The following CACNA2D3 variants were observed in gnomAD, a reference collection of about 807,000 sequenced individuals.
CACNA2D3 encodes calcium voltage-gated channel auxiliary subunit alpha2delta 3.
In CACNA2D3, 60 loss-of-function variants were observed where a neutral mutation model predicts 160.6. That is an observed-to-expected ratio of 0.37 (90% confidence interval 0.30 to 0.46). The LOEUF (loss-of-function observed/expected upper bound fraction) is 0.46. CACNA2D3 is among the 20% of genes least tolerant of loss of function. The probability of loss-of-function intolerance (pLI) is 1.00; values close to 1 mark genes in which losing one functional copy is unlikely to be tolerated. For synonymous variants in CACNA2D3, 558 were observed against 492.9 expected, an observed-to-expected ratio of 1.13 and a Z score of -1.75; for missense variants, 1,205 against 1,365.0, an observed-to-expected ratio of 0.88 and a Z score of 1.85.
chr3:54,456,866 G>A (rs1700406901), intron 4 of CACNA2D3, among the ~76,000 whole-genome samples: 1 of 151,620 alleles, frequency 6.6e-6, no homozygotes, highest in Non-Finnish European at 1.5e-5. Context: ...ATTTCCTCTG[G>A]GTTTTCCAGT....
chr3:54,647,270 G>A (rs1289488607), intron 11 of CACNA2D3, among the ~76,000 whole-genome samples: 1 of 152,200 alleles, frequency 6.6e-6, no homozygotes, highest in Admixed American at 6.5e-5. Flanking sequence ...ATGATCATTT[G>A]TTATGTAGCA....
intron 2 of CACNA2D3, among the ~76,000 whole-genome samples, chr3:54,229,244 T>G (rs372680855): frequency 6.6e-6 from 1 of 152,216 alleles, no homozygotes; most frequent in African/African-American, 2.4e-5. Context: ...CAGGCTGGAA[T>G]GCAGTGGCGC....
intron 10 of CACNA2D3, among the ~76,000 whole-genome samples, chr3:54,641,014 C>T (rs528542799): frequency 1.3e-5 from 2 of 151,446 alleles, no homozygotes; most frequent in Non-Finnish European, 1.5e-5. Context: ...TTTTGAAATC[C>T]CCCTGTGATC....
chr3:54,895,746 C>T (rs1384789223), intron 25 of CACNA2D3, among the ~76,000 whole-genome samples: 9 of 152,180 alleles, frequency 5.9e-5, no homozygotes, highest in African/African-American at 1.2e-4. Context: ...CCTAACCAGG[C>T]GGTCATCCCC....
Position 54,138,357 on chromosome 3 carries a change from C to T in CACNA2D3, c.204+14763C>T, listed in dbSNP as rs574718885. Among the ~76,000 whole-genome samples, 14 of 152,158 alleles carry T rather than the reference C, an allele frequency of 9.2e-5. No individual in the cohort carries two copies. The South Asian group carries it at 1.9e-3, about 20-fold the overall frequency. ...AGTGGGGAGGACATGTGAGAGAGAG[C>T]GGGGAGATTGGAAGAGGGCAGTCTG... is the stretch of plus-strand genomic sequence containing the variant. On this transcript the variant is annotated intron_variant, in intron 2 of 37. Transcript: ENST00000474759.
chr3:54,469,482 C>T (rs1180319950), intron 4 of CACNA2D3, among the ~76,000 whole-genome samples: 1 of 152,138 alleles, frequency 6.6e-6, no homozygotes, highest in Non-Finnish European at 1.5e-5. Flanking sequence ...AAAACCAGTG[C>T]AAAAAGGCTG....
At chr3:54,709,235 G>A (rs543931254) in intron 11 of CACNA2D3, among the ~76,000 whole-genome samples, 12 of 151,862 alleles carry the variant, frequency 7.9e-5, no homozygotes, top group South Asian at 2.1e-4. Context: ...GGCTGGTCTC[G>A]AACTGCTGAC....
intron 11 of CACNA2D3, among the ~76,000 whole-genome samples, chr3:54,708,204 A>G (rs555968335): frequency 1.3e-3 from 202 of 152,314 alleles, no homozygotes; most frequent in African/African-American, 4.7e-3. Flanking sequence ...TTCTAACTGA[A>G]TAATCCATTC....
chr3:54,310,932 C>T (rs1176892513), intron 2 of CACNA2D3, among the ~76,000 whole-genome samples: 1 of 152,184 alleles, frequency 6.6e-6, no homozygotes, highest in Non-Finnish European at 1.5e-5. Context: ...TACATGGTAA[C>T]ATGAGGACTT....
At chr3:54,725,922 G>A (rs969316367) in intron 11 of CACNA2D3, among the ~76,000 whole-genome samples, 3 of 152,132 alleles carry the variant, frequency 2.0e-5, no homozygotes, top group Non-Finnish European at 4.4e-5. Flanking sequence ...GGGCAATCAG[G>A]CAAGGGAAAG....
chr3:54,921,054 G>A (rs1166914421), intron 27 of CACNA2D3, among the ~76,000 whole-genome samples: 1 of 152,114 alleles, frequency 6.6e-6, no homozygotes, highest in African/African-American at 2.4e-5. Flanking sequence ...CATTTCATGG[G>A]CCATGACCCC....
At chr3:54,175,634 AG>A (rs1487612821) in intron 2 of CACNA2D3, among the ~76,000 whole-genome samples, 65 of 138,624 alleles carry the variant, frequency 4.7e-4, no homozygotes, top group African/African-American at 1.6e-3. Context: ...AAAAAAAAAA[AG>A]CAGATTAATT....
chr3:54,565,994 G>A (rs974340270), intron 6 of CACNA2D3, among the ~76,000 whole-genome samples: 19 of 152,146 alleles, frequency 1.2e-4, no homozygotes, highest in African/African-American at 4.6e-4. Context: ...TGCTCAATAT[G>A]TGTTTGTTGA....
intron 4 of CACNA2D3, among the ~76,000 whole-genome samples, chr3:54,469,910 T>G (rs953851130): frequency 1.3e-5 from 2 of 152,072 alleles, no homozygotes; most frequent in African/African-American, 4.8e-5. Context: ...GCAAAAAGCC[T>G]CCAAGAAATA....
chr3:54,334,437 G>C (rs1704331464), intron 3 of CACNA2D3, among the ~76,000 whole-genome samples: 1 of 152,154 alleles, frequency 6.6e-6, no homozygotes, highest in Admixed American at 6.5e-5. Flanking sequence ...CTTTGGAAGG[G>C]AGTGAACTGG....
rs532122247 is a variant in CACNA2D3 at position 54,723,813 on chromosome 3, G to A, written c.1168-28786G>A. 6.6e-5 allele frequency among the ~76,000 whole-genome samples: 10 copies of A among 152,302 alleles called. No homozygotes were observed. The South Asian group carries it at 1.7e-3, about 25-fold the overall frequency. On this transcript the variant is annotated intron_variant, in intron 11 of 37. Transcript: ENST00000474759. ...TTGATCTCACTGGGAGCTGCAGACC[G>A]CAGCTGTTCCTATTCAGCCATCTTG...
chr3:54,571,488 CTTTTTCTTCTTCCCACTGAT>C (rs1177175830), intron 8 of CACNA2D3, among the ~76,000 whole-genome samples: 7 of 151,984 alleles, frequency 4.6e-5, no homozygotes, highest in Non-Finnish European at 8.8e-5. Context: ...ATCTCCAGTT[CTTTTTCTTCTTCCCACTGAT>C]TATTTGGTAT....
chr3:54,470,995 G>A (rs1700720788), intron 4 of CACNA2D3, among the ~76,000 whole-genome samples: 1 of 152,030 alleles, frequency 6.6e-6, no homozygotes, highest in Non-Finnish European at 1.5e-5. Flanking sequence ...GTCAATATTA[G>A]ATCAATGAGA....
chr3:54,583,462 C>A (rs892280945), intron 9 of CACNA2D3, among the ~76,000 whole-genome samples: 2 of 152,132 alleles, frequency 1.3e-5, no homozygotes, highest in Non-Finnish European at 2.9e-5. Flanking sequence ...GAGGTCCTCA[C>A]CTTTATAACT....
Sources: allele counts gnomAD v4.1 joint callset (sites outside exome capture counted in the v4.1 genomes callset), GRCh38; gene constraint gnomAD v4.1.1; transcripts MANE v1.5; gene names NCBI Gene and HGNC (gene_info 2026-07-23, HGNC 2026-07-21).